PCDHGB3: variants seen among roughly 807,000 people sequenced by gnomAD.
The protein encoded by PCDHGB3 is protocadherin gamma-B3.
In PCDHGB3, 40 loss-of-function variants were observed where a neutral mutation model predicts 59.2. The observed-to-expected ratio is 0.68, with a 90% CI of 0.52 to 0.88. The LOEUF (loss-of-function observed/expected upper bound fraction) is 0.88, where lower values mean the gene tolerates loss of function less well. PCDHGB3 is among the 40% of genes least tolerant of loss of function. The pLI is 0.00. For missense variants in PCDHGB3, 1,309 were observed against 1,187.9 expected (o/e 1.10, Z -1.50); for synonymous variants, 581 against 503.6 (o/e 1.15, Z -2.06).
chr5:141,393,774 G>A (rs767667499), intron 1 of PCDHGB3: 9 of 1,613,824 alleles, frequency 5.6e-6, no homozygotes, highest in Non-Finnish European at 7.6e-6. Context: ...GGAAATACAA[G>A]CCGAAGATGT....
chr5:141,392,955 A>G, intron 1 of PCDHGB3: 1 of 1,613,920 alleles, frequency 6.2e-7, no homozygotes, highest in Non-Finnish European at 8.5e-7. Flanking sequence ...CGTGGGTAAT[A>G]TCTCCAAGGA....
At chr5:141,384,734 G>T (rs1780422653) in intron 1 of PCDHGB3, 1 of 1,613,988 alleles carries the variant, frequency 6.2e-7, no homozygotes. Flanking sequence ...CTTAAGGCCA[G>T]CGAGCCAGGA....
intron 1 of PCDHGB3, chr5:141,411,845 G>C (rs984420523): frequency 6.6e-6 from 1 of 151,920 alleles, no homozygotes; most frequent in Non-Finnish European, 1.5e-5. Context: ...AGGTGACAGA[G>C]TGAGACCCTG....
At chr5:141,413,381 G>T in intron 1 of PCDHGB3, 2 of 1,613,946 alleles carry the variant, frequency 1.2e-6, no homozygotes, top group Admixed American at 1.7e-5. Context: ...CGCGGAGTCC[G>T]CATAGTCTCC....
Position 141,431,075 on chromosome 5 carries a change from C to G in PCDHGB3, c.2415+58266C>G. ...GGGGGCCATCAAGTGTCAATTAAAT[C>G]TAGACATTCTGATGGAGGATAAAGT... is the stretch of plus-strand genomic sequence containing the variant. On this transcript the variant is annotated intron_variant, in intron 1 of 3. Coordinates refer to ENST00000576222, the MANE Select transcript of PCDHGB3 (RefSeq NM_018924.5). The surrounding 1 kb of genome is among the most constrained non-coding windows in gnomAD (Gnocchi z 4.8). 1 of 1,614,156 alleles carries G rather than the reference C, an allele frequency of 6.2e-7. No homozygotes were observed. Among genetic ancestry groups the G allele is most frequent in the Non-Finnish European group, 8.5e-7 (1 of 1,179,984 alleles).
At chr5:141,507,474 C>T (rs774159694) in intron 3 of PCDHGB3, among the ~76,000 whole-genome samples, 2 of 152,196 alleles carry the variant, frequency 1.3e-5, no homozygotes, top group Non-Finnish European at 2.9e-5. Flanking sequence ...GCAGGGACTG[C>T]TGGCCTCCTG....
intron 3 of PCDHGB3, among the ~76,000 whole-genome samples, chr5:141,505,999 G>A (rs891447053): frequency 1.3e-5 from 2 of 152,172 alleles, no homozygotes; most frequent in African/African-American, 4.8e-5. Flanking sequence ...TTTATGCGAG[G>A]CTCCTCTTTT....
In PCDHGB3 at chr5:141,511,402, A is replaced by C; in HGVS notation, c.*229A>C. On this transcript the variant is annotated 3_prime_UTR_variant, in exon 4 of 4. Transcript: ENST00000576222. Reference sequence around the variant, plus strand: ...TTCCGCTGGGAACCCCCATCCAATCAACTGCTGTACCCATGGGGGTAGTGG... The same window carrying C: ...TTCCGCTGGGAACCCCCATCCAATCCACTGCTGTACCCATGGGGGTAGTGG... The C allele has an allele frequency of 1.0e-6, 1 of 969,684 alleles. No individual in the cohort carries two copies. 60.1% of individuals were successfully genotyped at this position (969,684 alleles called of 1,614,324 possible).
At chr5:141,392,728 G>T in intron 1 of PCDHGB3, 1 of 1,407,730 alleles carries the variant, frequency 7.1e-7, no homozygotes, top group Non-Finnish European at 9.3e-7. Context: ...CCGGAGGATT[G>T]TCATCTCCAT....
chr5:141,438,760 C>T (rs1346379482), intron 1 of PCDHGB3, among the ~76,000 whole-genome samples: 4 of 148,802 alleles, frequency 2.7e-5, no homozygotes, highest in South Asian at 2.1e-4. Context: ...CTCCTGGGTT[C>T]AAGCGATTCT....
At position 141,384,265 on chromosome 5, in the gene PCDHGB3, T is replaced by C. The variant is rs553615154; in HGVS notation, c.2415+11456T>C. 81 of 1,613,814 alleles carry C rather than the reference T, an allele frequency of 5.0e-5. No individual in the cohort carries two copies. In the South Asian group the frequency reaches 7.4e-4, roughly 15 times the overall value. Reference sequence around the variant, plus strand: ...TAACCCACCCACCTTCCCCCACTCATCCTACTCAGTCTACATCGCTGAGAA... The same window carrying C: ...TAACCCACCCACCTTCCCCCACTCACCCTACTCAGTCTACATCGCTGAGAA... On this transcript the variant is annotated intron_variant, in intron 1 of 3. Coordinates refer to ENST00000576222, the MANE Select transcript of PCDHGB3 (RefSeq NM_018924.5).
intron 1 of PCDHGB3, chr5:141,418,093 C>T: frequency 6.2e-7 from 1 of 1,614,032 alleles, no homozygotes; most frequent in East Asian, 2.2e-5. Flanking sequence ...TCAGCGTAGA[C>T]GCGCAGAGCG....
At chr5:141,433,383 CT>C (rs2097595660) in intron 1 of PCDHGB3, among the ~76,000 whole-genome samples, 1 of 151,456 alleles carries the variant, frequency 6.6e-6, no homozygotes, top group Non-Finnish European at 1.5e-5. Context: ...ATCTATCTAT[CT>C]ATCTATCTAT....
Position 141,434,824 on chromosome 5 carries a change from A to C in PCDHGB3, c.2416-59983A>C, listed in dbSNP as rs143305842. ...CTTGGAGAAATATATCCCTTAGTACACTTGGCATTTATAAAGCAGACATCA... is the reference window on the plus strand; with the variant it reads ...CTTGGAGAAATATATCCCTTAGTACCCTTGGCATTTATAAAGCAGACATCA... On this transcript the variant is annotated intron_variant, in intron 1 of 3. Coordinates refer to ENST00000576222, the MANE Select transcript of PCDHGB3 (RefSeq NM_018924.5). 7.9e-4 allele frequency among the ~76,000 whole-genome samples: 120 copies of C among 152,004 alleles called. 2 individuals are homozygous for C. The highest frequency in any genetic ancestry group is 2.8e-3 in the African/African-American group (115 of 41,454).
rs368785983 is a variant in PCDHGB3 at position 141,393,012 on chromosome 5, G to A, written c.2415+20203G>A. The A allele has an allele frequency of 1.4e-5, 23 of 1,613,724 alleles. No homozygotes were observed. Among genetic ancestry groups the A allele is most frequent in the Non-Finnish European group, 1.9e-5 (23 of 1,179,884 alleles). ...GCTGGCGAAGCACGGAGTCCGTATC[G>A]TCTCCAGAGGTAGGACGCAGCTCTT... On this transcript the variant is annotated intron_variant, in intron 1 of 3. Transcript: ENST00000576222.
intron 1 of PCDHGB3, chr5:141,393,064 T>C: frequency 6.2e-7 from 1 of 1,613,630 alleles, no homozygotes. Flanking sequence ...AGCGGCAGCT[T>C]GATCACCGCG....
chr5:141,450,119 G>A (rs765403319), intron 1 of PCDHGB3, among the ~76,000 whole-genome samples: 2 of 148,920 alleles, frequency 1.3e-5, no homozygotes, highest in Non-Finnish European at 3.0e-5. Context: ...TGATTCTCCT[G>A]CCTTAGCCTC....
chr5:141,501,636 C>T (rs2099810310), intron 2 of PCDHGB3, among the ~76,000 whole-genome samples: 1 of 152,130 alleles, frequency 6.6e-6, no homozygotes, highest in South Asian at 2.1e-4. Flanking sequence ...CTCAACCTCT[C>T]TGAGCCCTGT....
chr5:141,450,931 T>G (rs571428678), intron 1 of PCDHGB3, among the ~76,000 whole-genome samples: 2 of 151,650 alleles, frequency 1.3e-5, no homozygotes, highest in African/African-American at 4.8e-5. Flanking sequence ...TTCAAGCAAT[T>G]CTCCTACCTC....
Sources: gnomAD v4.1 joint callset for allele counts (sites outside exome capture counted in the v4.1 genomes callset) on GRCh38, gnomAD v4.1.1 for gene constraint, Gnocchi (gnomAD v3.1) non-coding constraint, MANE v1.5 for transcripts, NCBI Gene and HGNC (gene_info 2026-07-23, HGNC 2026-07-21) for gene names.